The following DNAJB6 variants were observed in gnomAD, a reference collection of about 807,000 sequenced individuals.
DNAJB6 encodes the protein dnaJ homolog subfamily B member 6.
A neutral mutation model predicts 42.7 loss-of-function variants in DNAJB6; 16 were observed. The ratio of observed to expected loss-of-function variants is 0.37; its 90% CI spans 0.25 to 0.57. The LOEUF is 0.57. DNAJB6 is among the 20% of genes least tolerant of loss of function. The pLI is 0.74. For synonymous variants in DNAJB6, 170 were observed against 163.5 expected (o/e 1.04, Z -0.30); for missense variants, 347 against 416.8 (o/e 0.83, Z 1.46).
intron 8 of DNAJB6, among the ~76,000 whole-genome samples, chr7:157,387,184 A>G (rs991631792): frequency 6.6e-6 from 1 of 152,190 alleles, no homozygotes; most frequent in Non-Finnish European, 1.5e-5. Flanking sequence ...AAATAAGTAA[A>G]AAATATTTTA....
At chr7:157,376,513 A>G (rs1800480783) in intron 5 of DNAJB6, among the ~76,000 whole-genome samples, 1 of 152,232 alleles carries the variant, frequency 6.6e-6, no homozygotes, top group Non-Finnish European at 1.5e-5. Context: ...ATAAGTGACC[A>G]TGCTGGTGAC....
rs1799029285 is a variant in DNAJB6, at chr7:157,352,333, C to T, written c.-26-6214C>T. ...GCAAGACTCTGTCTCAAAATATATA[C>T]ATATATATGTATATATATATAATTT... On this transcript the variant is annotated intron_variant, in intron 1 of 9. Transcript: ENST00000262177. Among the ~76,000 whole-genome samples, 2 of 151,640 alleles carry T rather than the reference C, an allele frequency of 1.3e-5. 1 individual carries two copies. The highest frequency in any genetic ancestry group is 2.9e-5 in the Non-Finnish European group (2 of 67,970).
At chr7:157,399,247 G>A (rs1032472325) in intron 8 of DNAJB6, among the ~76,000 whole-genome samples, 3 of 152,252 alleles carry the variant, frequency 2.0e-5, no homozygotes, top group Non-Finnish European at 4.4e-5. Flanking sequence ...GGTCCCTGTG[G>A]CCCCCCGCCA....
chr7:157,415,952 G>A (rs1796098074), intron 9 of DNAJB6, 64 bp from the exon 10 acceptor site: 5 of 1,607,156 alleles, frequency 3.1e-6, no homozygotes, highest in South Asian at 1.1e-5. Context: ...TAGAAAACAT[G>A]TTTGGCTCTT....
At chr7:157,398,624 G>C (rs540573011) in intron 8 of DNAJB6, among the ~76,000 whole-genome samples, 3 of 152,324 alleles carry the variant, frequency 2.0e-5, no homozygotes, top group Admixed American at 6.5e-5. Flanking sequence ...GGCTTGAGGG[G>C]GGGGATGCTG....
intron 8 of DNAJB6, among the ~76,000 whole-genome samples, chr7:157,395,686 T>TTTC (rs777037656): frequency 1.9e-3 from 263 of 137,376 alleles, no homozygotes; most frequent in Non-Finnish European, 3.5e-3. Flanking sequence ...TTTCTTTTCT[T>TTTC]TTTTTTTTTT....
Position 157,384,887 on chromosome 7 carries a change from C to T in DNAJB6, c.499C>T (p.Leu167=), listed in dbSNP as rs1241662438. Residue 167 remains leucine (L), a synonymous_variant, in exon 7 of 10, where the codon CTA becomes TTA. Transcript: ENST00000262177. ...FDTGFTSFGS[L]GHGGLTSFSS... is the part of the protein sequence containing the mutation. ...TGTAGGATTTACTTCATTTGGGTCACTAGGTCACGGGGGCCTCACTTCATT... is the reference window on the plus strand; with the variant it reads ...TGTAGGATTTACTTCATTTGGGTCATTAGGTCACGGGGGCCTCACTTCATT... 2 of 1,612,836 alleles carry T rather than the reference C, an allele frequency of 1.2e-6. No homozygotes were observed. The highest frequency in any genetic ancestry group is 2.2e-5 in the East Asian group (1 of 44,882).
intron 8 of DNAJB6, among the ~76,000 whole-genome samples, chr7:157,408,010 C>G (rs1248675675): frequency 6.6e-6 from 1 of 152,142 alleles, no homozygotes; most frequent in Non-Finnish European, 1.5e-5. Flanking sequence ...TGTTTTACTT[C>G]ACTCACGTCA....
At chr7:157,397,615 C>G (rs995060232) in intron 8 of DNAJB6, among the ~76,000 whole-genome samples, 4 of 152,258 alleles carry the variant, frequency 2.6e-5, no homozygotes, top group Admixed American at 2.6e-4. Flanking sequence ...TGCCACCATC[C>G]CTCTCCCAGC....
At chr7:157,401,568 G>A (rs1008636685) in intron 8 of DNAJB6, among the ~76,000 whole-genome samples, 2 of 152,212 alleles carry the variant, frequency 1.3e-5, no homozygotes, top group African/African-American at 4.8e-5. Context: ...TCATATGGTG[G>A]ATGTAGCAGT....
chr7:157,395,684 CTTTTTT>C (rs869242320), intron 8 of DNAJB6, among the ~76,000 whole-genome samples: 1 of 131,894 alleles, frequency 7.6e-6, no homozygotes, highest in African/African-American at 2.8e-5. Flanking sequence ...TTTTTCTTTT[CTTTTTT>C]TTTTTTTTTT....
At chr7:157,396,351 C>G (rs1801585045) in intron 8 of DNAJB6, among the ~76,000 whole-genome samples, 1 of 152,214 alleles carries the variant, frequency 6.6e-6, no homozygotes, top group South Asian at 2.1e-4. Flanking sequence ...CGACGTGTTT[C>G]TTGAGGACGC....
At chr7:157,388,544 C>G (rs1171066117) in intron 8 of DNAJB6, among the ~76,000 whole-genome samples, 1 of 151,096 alleles carries the variant, frequency 6.6e-6, no homozygotes, top group Admixed American at 6.6e-5. Flanking sequence ...GTGCTGTCTG[C>G]TGTGTTTGGT....
intron 3 of DNAJB6, among the ~76,000 whole-genome samples, chr7:157,365,615 C>G (rs1799804546): frequency 1.3e-5 from 2 of 152,170 alleles, no homozygotes; most frequent in South Asian, 4.1e-4. Flanking sequence ...TGTAGCATGT[C>G]TGGGCTCTGT....
At chr7:157,384,265 C>CT (rs1292777759) in intron 6 of DNAJB6, among the ~76,000 whole-genome samples, 4 of 152,124 alleles carry the variant, frequency 2.6e-5, no homozygotes, top group African/African-American at 7.2e-5. Context: ...GAGACGAATA[C>CT]TTGTATTCTT....
intron 1 of DNAJB6, among the ~76,000 whole-genome samples, chr7:157,341,194 G>A (rs919924481): frequency 2.0e-5 from 3 of 151,984 alleles, no homozygotes; most frequent in African/African-American, 4.8e-5. Context: ...GCGCCATCTC[G>A]GCTCACTGCA....
intron 1 of DNAJB6, among the ~76,000 whole-genome samples, chr7:157,350,604 T>A (rs899929707): frequency 6.6e-6 from 1 of 152,206 alleles, no homozygotes; most frequent in Non-Finnish European, 1.5e-5. Context: ...AGCTTGAACT[T>A]GGTGATATAA....
At position 157,372,216 on chromosome 7, in the gene DNAJB6, A is replaced by C. The variant is rs186701124; in HGVS notation, c.346+4733A>C. Reference sequence around the variant, plus strand: ...TTAGTAGAGCTGCCCAGGGTGGAGGAGGCCACAGAGGACAGCCCTGGTGAA... The same window carrying C: ...TTAGTAGAGCTGCCCAGGGTGGAGGCGGCCACAGAGGACAGCCCTGGTGAA... On this transcript the variant is annotated intron_variant, in intron 5 of 9. Coordinates refer to ENST00000262177, the MANE Select transcript of DNAJB6 (RefSeq NM_058246.4). The C allele has an allele frequency of 5.7e-3, 868 of 152,998 alleles. 3 individuals carry two copies. Among genetic ancestry groups the C allele is most frequent in the Non-Finnish European group, 9.3e-3 (635 of 68,216 alleles). 9.5% of individuals were successfully genotyped at this position (152,998 alleles called of 1,614,324 possible).
intron 1 of DNAJB6, among the ~76,000 whole-genome samples, chr7:157,339,068 A>T (rs957665539): frequency 2.0e-5 from 3 of 152,046 alleles, no homozygotes; most frequent in Non-Finnish European, 4.4e-5. Flanking sequence ...CTAGGTGGGG[A>T]GTGTTGAATG....
Sources: gnomAD v4.1 joint callset for allele counts (sites outside exome capture counted in the v4.1 genomes callset) on GRCh38, gnomAD v4.1.1 for gene constraint, MANE v1.5 for transcripts, NCBI Gene and HGNC (gene_info 2026-07-23, HGNC 2026-07-21) for gene names.